The following RASA3 variants were observed in gnomAD, a reference collection of about 807,000 sequenced individuals.
RASA3 encodes RAS p21 protein activator 3.
A neutral mutation model predicts 110.0 loss-of-function variants in RASA3; 73 were observed. The observed-to-expected ratio is 0.66, with a 90% CI of 0.55 to 0.81. The LOEUF is 0.81. Ranked by LOEUF, RASA3 falls within the 30% of genes least tolerant of loss-of-function variation. The pLI is 0.00. For synonymous variants in RASA3, 500 were observed against 451.4 expected (o/e 1.11, Z -1.37); for missense variants, 976 against 1,113.2 (o/e 0.88, Z 1.75).
At chr13:114,045,763 A>G (rs959133574) in intron 3 of RASA3, among the ~76,000 whole-genome samples, 1 of 152,246 alleles carries the variant, frequency 6.6e-6, no homozygotes, top group Non-Finnish European at 1.5e-5. Flanking sequence ...ACACAAAAAC[A>G]GCACCTTTCA....
chr13:113,994,444 A>G (rs2053188210), intron 21 of RASA3, among the ~76,000 whole-genome samples: 1 of 152,246 alleles, frequency 6.6e-6, no homozygotes, highest in African/African-American at 2.4e-5. Context: ...ACATCTAAAT[A>G]AATAATGAAA....
chr13:113,999,497 G>A (rs1466728345), intron 20 of RASA3, 88 bp downstream of exon 20: 3 of 1,073,714 alleles, frequency 2.8e-6, no homozygotes, highest in African/African-American at 3.1e-5. Flanking sequence ...GTGGGGAAGG[G>A]TGAGCCCAGG....
intron 2 of RASA3, among the ~76,000 whole-genome samples, chr13:114,054,991 CGT>C (rs781779142): frequency 2.0e-5 from 3 of 151,590 alleles, no homozygotes; most frequent in Admixed American, 6.6e-5. Flanking sequence ...GGTGTGTGCA[CGT>C]GTGTGCCCAT....
intron 1 of RASA3, among the ~76,000 whole-genome samples, chr13:114,074,153 C>G (rs1241443211): frequency 2.0e-5 from 3 of 152,216 alleles, no homozygotes; most frequent in African/African-American, 7.2e-5. Flanking sequence ...CCATCTCTGA[C>G]CTGCTCGCGT....
At position 114,065,341 on chromosome 13, in the gene RASA3, A is replaced by C. The variant is rs969332846; in HGVS notation, c.173+8379T>G. Among the ~76,000 whole-genome samples, 1 of 152,192 alleles carries C rather than the reference A, an allele frequency of 6.6e-6. No individual in the cohort carries two copies. The highest frequency in any genetic ancestry group is 2.4e-5 in the African/African-American group (1 of 41,440). On this transcript the variant is annotated intron_variant, in intron 2 of 23. Coordinates refer to ENST00000334062, the MANE Select transcript of RASA3 (RefSeq NM_007368.4). The surrounding 1 kb of genome is among the most constrained non-coding windows in gnomAD (Gnocchi z 4.1). ...GCCGCAGGCTCGGGGCCCATTTCCC[A>C]AACGCTGGGGGGAGCCGGGAGCTGC...
intron 1 of RASA3, among the ~76,000 whole-genome samples, chr13:114,075,122 G>C (rs2079646509): frequency 6.6e-6 from 1 of 152,194 alleles, no homozygotes; most frequent in Non-Finnish European, 1.5e-5. Context: ...ACCACACCAA[G>C]GCTCCTGCTG....
At chr13:113,979,948 C>T (rs760911373) in intron 23 of RASA3, among the ~76,000 whole-genome samples, 10 of 151,306 alleles carry the variant, frequency 6.6e-5, no homozygotes, top group African/African-American at 1.2e-4. Context: ...CATCTCCTCC[C>T]ACGTGTGTGC....
intron 3 of RASA3, among the ~76,000 whole-genome samples, chr13:114,044,708 A>G (rs2079023937): frequency 6.7e-6 from 1 of 149,658 alleles, no homozygotes; most frequent in African/African-American, 2.5e-5. Flanking sequence ...CATGAAAGCA[A>G]AAACTTCTTA....
intron 18 of RASA3, among the ~76,000 whole-genome samples, chr13:114,001,247 G>A (rs959709302): frequency 2.0e-5 from 3 of 152,326 alleles, no homozygotes; most frequent in East Asian, 3.9e-4. Context: ...ATGCTCCCAC[G>A]GCGGACCTGC....
intron 1 of RASA3, among the ~76,000 whole-genome samples, chr13:114,098,543 C>T (rs2139725437): frequency 6.6e-6 from 1 of 152,176 alleles, no homozygotes; most frequent in East Asian, 1.9e-4. Flanking sequence ...ACCTGGTGGG[C>T]TGGGGTCAGG....
chr13:113,999,193 C>A (rs1380292536), intron 20 of RASA3, among the ~76,000 whole-genome samples: 3 of 152,168 alleles, frequency 2.0e-5, no homozygotes, highest in East Asian at 1.9e-4. Context: ...ACTCGTGCAA[C>A]TTCTATAAAT....
At chr13:114,101,163 CCT>C (rs1490417821) in intron 1 of RASA3, among the ~76,000 whole-genome samples, 2 of 152,174 alleles carry the variant, frequency 1.3e-5, no homozygotes, top group Non-Finnish European at 2.9e-5. Flanking sequence ...AGCCACCAAA[CCT>C]CTCTGCACTT....
intron 1 of RASA3, among the ~76,000 whole-genome samples, chr13:114,107,969 C>G (rs2080156702): frequency 6.6e-6 from 1 of 152,094 alleles, no homozygotes; most frequent in Non-Finnish European, 1.5e-5. Flanking sequence ...AAGCCTGCTT[C>G]CTCGCCGGCA....
chr13:114,124,799 C>T (rs577482274), intron 1 of RASA3, among the ~76,000 whole-genome samples: 1 of 152,376 alleles, frequency 6.6e-6, no homozygotes, highest in Non-Finnish European at 1.5e-5. Context: ...TTTTCTTTCT[C>T]GGCCTTGGCG....
At chr13:114,094,124 T>C (rs1363050307) in intron 1 of RASA3, among the ~76,000 whole-genome samples, 1 of 152,220 alleles carries the variant, frequency 6.6e-6, no homozygotes, top group Non-Finnish European at 1.5e-5. Flanking sequence ...GGATGTATGA[T>C]AATGTCTGAA....
intron 1 of RASA3, among the ~76,000 whole-genome samples, chr13:114,101,983 A>G (rs2080065996): frequency 6.6e-6 from 1 of 152,172 alleles, no homozygotes; most frequent in African/African-American, 2.4e-5. Context: ...TCAGTTTCCA[A>G]GGACCCCACA....
intron 4 of RASA3, among the ~76,000 whole-genome samples, chr13:114,039,446 G>A (rs183649879): frequency 1.3e-5 from 2 of 152,054 alleles, no homozygotes; most frequent in South Asian, 4.1e-4. Flanking sequence ...CGCTCACTGC[G>A]GTCCCAGCTG....
At chr13:114,099,194 C>T (rs546193139) in intron 1 of RASA3, among the ~76,000 whole-genome samples, 3 of 150,856 alleles carry the variant, frequency 2.0e-5, no homozygotes, top group South Asian at 2.1e-4. Context: ...GCCACCCGAG[C>T]CCCCCAGACC....
intron 1 of RASA3, 25 bp downstream of exon 1, chr13:114,132,410 C>A: frequency 6.6e-7 from 1 of 1,506,550 alleles, no homozygotes. Context: ...GGGGGTCGGA[C>A]GCGTGGCTGC....
Sources: gnomAD v4.1 joint callset for allele counts (sites outside exome capture counted in the v4.1 genomes callset) on GRCh38, gnomAD v4.1.1 for gene constraint, Gnocchi (gnomAD v3.1) non-coding constraint, MANE v1.5 for transcripts, NCBI Gene and HGNC (gene_info 2026-07-23, HGNC 2026-07-21) for gene names.